Variants in OXR1 observed in about 807,000 individuals in gnomAD.
The protein encoded by OXR1 is oxidation resistance 1.
In OXR1, 41 loss-of-function variants were observed where a neutral mutation model predicts 104.6. The observed-to-expected ratio is 0.39, with a 90% confidence interval of 0.31 to 0.51. The LOEUF (loss-of-function observed/expected upper bound fraction) is 0.51, where lower values mean the gene tolerates loss of function less well. OXR1 is among the 20% of genes least tolerant of loss of function. The probability of loss-of-function intolerance (pLI) is 0.77; values close to 1 mark genes in which losing one functional copy is unlikely to be tolerated. For synonymous variants in OXR1, 348 were observed against 348.4 expected, an observed-to-expected ratio of 1.00 and a Z score of 0.01; for missense variants, 955 against 1,031.9, an observed-to-expected ratio of 0.93 and a Z score of 1.02.
chr8:106,547,481 T>C (rs530788231), intron 3 of OXR1, among the ~76,000 whole-genome samples: 137 of 128,210 alleles, frequency 1.1e-3, no homozygotes, highest in African/African-American at 4.1e-3. Flanking sequence ...TAGAATTTCC[T>C]TTCTTTCTTT....
chr8:106,437,220 CT>C (rs199790039), intron 2 of OXR1, among the ~76,000 whole-genome samples: 2,917 of 152,236 alleles, frequency 0.019, 51 homozygotes, highest in Admixed American at 0.047. Context: ...CATCAGCATA[CT>C]TGTGGTTAAT....
In OXR1 at chr8:106,359,508, G is replaced by A; in HGVS notation, c.-106G>A. 1.3e-6 allele frequency: 1 copy of A among 777,956 alleles called. No individual in the cohort carries two copies. Among genetic ancestry groups the A allele is most frequent in the Non-Finnish European group, 2.3e-6 (1 of 443,578 alleles). The allele number at this position is 777,956 out of a possible 1,614,324, so 48.2% of individuals were successfully genotyped here. A position where few individuals can be genotyped will look rare whatever the true frequency, so the allele number is the denominator to read the frequency against. ...CAAACTGTGAGTAACTAAGTGGTTT[G>A]TGCATCATTCCAGAAGCAAAGCTAA... On this transcript the variant is annotated 5_prime_UTR_variant, in exon 2 of 17. In the 5' UTR this introduces an upstream ATG that the reference lacks. Coordinates refer to ENST00000517566, the MANE Select transcript of OXR1 (RefSeq NM_001198533.2).
chr8:106,345,239 A>G, intron 1 of OXR1, among the ~76,000 whole-genome samples: 1 of 152,356 alleles, frequency 6.6e-6, no homozygotes, highest in Admixed American at 6.5e-5. Context: ...AATAAATATT[A>G]GATAAGTGAA....
chr8:106,298,204 A>G (rs1207262931), intron 1 of OXR1, among the ~76,000 whole-genome samples: 1 of 152,214 alleles, frequency 6.6e-6, no homozygotes, highest in African/African-American at 2.4e-5. Context: ...CTGCTAACAA[A>G]GACATACCCA....
chr8:106,560,517 A>G (rs1816598892), intron 3 of OXR1, among the ~76,000 whole-genome samples: 1 of 152,168 alleles, frequency 6.6e-6, no homozygotes, highest in Admixed American at 6.5e-5. Flanking sequence ...TAACTGGTTC[A>G]GATTCTTCTG....
chr8:106,583,227 G>T (rs1586847104), intron 3 of OXR1, among the ~76,000 whole-genome samples: 1 of 151,912 alleles, frequency 6.6e-6, no homozygotes. Flanking sequence ...GACTCTAATG[G>T]GTTAAGTTCC....
chr8:106,283,589 T>A (rs977714362), intron 1 of OXR1, among the ~76,000 whole-genome samples: 1 of 152,178 alleles, frequency 6.6e-6, no homozygotes, highest in Non-Finnish European at 1.5e-5. Context: ...AGCATATCAT[T>A]TGAGTGACTT....
intron 3 of OXR1, among the ~76,000 whole-genome samples, chr8:106,610,721 T>G (rs1820753713): frequency 6.6e-6 from 1 of 152,190 alleles, no homozygotes; most frequent in African/African-American, 2.4e-5. Flanking sequence ...CTTGCCTGAC[T>G]TACTCTTTCC....
chr8:106,380,910 T>C (rs1369168405), intron 2 of OXR1, among the ~76,000 whole-genome samples: 2 of 152,154 alleles, frequency 1.3e-5, no homozygotes, highest in African/African-American at 4.8e-5. Context: ...ATTTAAAAGG[T>C]CAAATATGAT....
intron 3 of OXR1, among the ~76,000 whole-genome samples, chr8:106,668,389 C>T (rs1826573081): frequency 6.6e-6 from 1 of 152,076 alleles, no homozygotes; most frequent in East Asian, 1.9e-4. Context: ...TTTAAGCTCC[C>T]AAGCATAATA....
intron 3 of OXR1, among the ~76,000 whole-genome samples, chr8:106,527,202 T>C (rs938781084): frequency 1.3e-5 from 2 of 152,220 alleles, no homozygotes; most frequent in South Asian, 2.1e-4. Context: ...AAAGTACTTA[T>C]ATTAGTGCCT....
intron 2 of OXR1, among the ~76,000 whole-genome samples, chr8:106,451,016 C>A (rs1441925814): frequency 6.6e-6 from 1 of 152,114 alleles, no homozygotes; most frequent in Non-Finnish European, 1.5e-5. Flanking sequence ...ATAACACATC[C>A]TTTGCACTCC....
In OXR1 at chr8:106,713,840, C is replaced by T; in HGVS notation, c.1811C>T (p.Ala604Val). The T allele has an allele frequency of 6.4e-7, 1 of 1,567,156 alleles. No homozygotes were observed. The highest frequency in any genetic ancestry group is 8.6e-7 in the Non-Finnish European group (1 of 1,165,030). ...VPQERTDHLY[A>V]FFIQWSPEIY... is the part of the protein sequence containing the mutation. ...CCTAACAGGACAGATCACTTGTATG[C>T]CTTCTTCATTCAGTGGAGTCCAGAA... is the stretch of plus-strand genomic sequence containing the variant. The change falls in exon 11 of 17, where the codon GCC becomes GTC. Residue 604 changes from alanine (A) to valine (V), a missense_variant. Ala to Val is a moderately conservative substitution (Grantham distance 64, BLOSUM62 0). Coordinates refer to ENST00000517566, the MANE Select transcript of OXR1 (RefSeq NM_001198533.2).
chr8:106,376,762 G>A (rs1482291970), intron 2 of OXR1, among the ~76,000 whole-genome samples: 1 of 152,124 alleles, frequency 6.6e-6, no homozygotes, highest in Admixed American at 6.5e-5. Flanking sequence ...AAGAATGTGG[G>A]AACTACTGAT....
chr8:106,499,168 CAAAAAAAAAAAAAAA>C lies in OXR1; in HGVS notation c.24-19764_24-19750del, dbSNP rs71307063. Among the ~76,000 whole-genome samples, 4 of 7,692 alleles carry C rather than the reference CAAAAAAAAAAAAAAA, an allele frequency of 5.2e-4. 1 individual carries two copies. Among genetic ancestry groups the C allele is most frequent in the Admixed American group, 5.2e-3 (3 of 580 alleles). The allele number at this position is 7,692 out of a possible 152,430, so 5.0% of individuals were successfully genotyped here. A position where few individuals can be genotyped will look rare whatever the true frequency, so the allele number is the denominator to read the frequency against. The stretch of plus-strand genomic sequence containing the variant: ...TGGGCGACAGAGCGAGACTCCGTCT[CAAAAAAAAAAAAAAA>C]AAAAAAAAAAGAATTAGGAGATGTT... On this transcript the variant is annotated intron_variant, in intron 2 of 16. Coordinates refer to ENST00000517566, the MANE Select transcript of OXR1 (RefSeq NM_001198533.2).
chr8:106,745,695 C>A, intron 15 of OXR1, 94 bp from the exon 16 acceptor site: 1 of 590,650 alleles, frequency 1.7e-6, no homozygotes, highest in Non-Finnish European at 2.9e-6. Context: ...TACTGCCAGT[C>A]TTGGCTTTGT....
intron 2 of OXR1, among the ~76,000 whole-genome samples, chr8:106,517,745 C>T (rs537778253): frequency 1.3e-5 from 2 of 151,992 alleles, no homozygotes; most frequent in Admixed American, 6.6e-5. Context: ...ATCTGAGTTA[C>T]GTGAATCTAT....
intron 7 of OXR1, among the ~76,000 whole-genome samples, chr8:106,693,623 G>T (rs1356793470): frequency 2.0e-5 from 3 of 151,844 alleles, no homozygotes; most frequent in African/African-American, 7.3e-5. Flanking sequence ...TAGAGACAGG[G>T]TTTCACCATG....
At chr8:106,661,801 T>C (rs1825792928) in intron 3 of OXR1, among the ~76,000 whole-genome samples, 1 of 152,238 alleles carries the variant, frequency 6.6e-6, no homozygotes, top group South Asian at 2.1e-4. Flanking sequence ...ACTTGGTCCA[T>C]TTATTTAAAA....
Sources: gnomAD v4.1 joint callset for allele counts (sites outside exome capture counted in the v4.1 genomes callset) on GRCh38, gnomAD v4.1.1 for gene constraint, MANE v1.5 for transcripts, NCBI Gene and HGNC (gene_info 2026-07-23, HGNC 2026-07-21) for gene names.